MSRA: variants seen among roughly 807,000 people sequenced by gnomAD.
The protein encoded by MSRA is mitochondrial peptide methionine sulfoxide reductase.
A neutral mutation model predicts 31.3 loss-of-function variants in MSRA; 54 were observed. The ratio of observed to expected loss-of-function variants is 1.73; its 90% CI spans 1.39 to 2.17. MSRA has a LOEUF of 2.17. Ranked by LOEUF, MSRA falls within the 30% of genes most tolerant of loss-of-function variation. The pLI is 0.00. For synonymous variants in MSRA, 169 were observed against 116.5 expected (o/e 1.45, Z -2.90); for missense variants, 507 against 300.9 (o/e 1.69, Z -5.07).
intron 5 of MSRA, among the ~76,000 whole-genome samples, chr8:10,341,656 G>C (rs1803433725): frequency 1.3e-5 from 2 of 152,208 alleles, no homozygotes; most frequent in African/African-American, 4.8e-5. Flanking sequence ...GTACCTGTTT[G>C]AGCCTGGATA....
intron 5 of MSRA, among the ~76,000 whole-genome samples, chr8:10,396,375 C>G (rs566958468): frequency 6.6e-6 from 1 of 152,248 alleles, no homozygotes; most frequent in Non-Finnish European, 1.5e-5. Context: ...TCATTTTCCT[C>G]CATTTGGGGG....
intron 5 of MSRA, among the ~76,000 whole-genome samples, chr8:10,324,074 T>C (rs532891115): frequency 3.3e-5 from 5 of 152,314 alleles, no homozygotes; most frequent in African/African-American, 1.2e-4. Flanking sequence ...ACTAGACCAG[T>C]GCTTCCTTTC....
At chr8:10,313,367 G>A (rs917714393) in intron 4 of MSRA, among the ~76,000 whole-genome samples, 1 of 151,912 alleles carries the variant, frequency 6.6e-6, no homozygotes, top group Non-Finnish European at 1.5e-5. Flanking sequence ...TGCTTTGCAT[G>A]ATTATGAAAG....
At chr8:10,184,410 C>T (rs1164626178) in intron 1 of MSRA, among the ~76,000 whole-genome samples, 2 of 151,740 alleles carry the variant, frequency 1.3e-5, no homozygotes, top group African/African-American at 4.8e-5. Flanking sequence ...AACAGTAAAC[C>T]TTGATAACTA....
chr8:10,302,174 G>T (rs911083419), intron 4 of MSRA, among the ~76,000 whole-genome samples: 5 of 152,210 alleles, frequency 3.3e-5, no homozygotes, highest in Admixed American at 2.0e-4. Flanking sequence ...TTTGGAATTT[G>T]TTATGTGGAG....
chr8:10,155,107 C>G (rs149290831), intron 1 of MSRA, among the ~76,000 whole-genome samples: 3,829 of 151,242 alleles, frequency 0.025, 56 homozygotes, highest in African/African-American at 0.035. Context: ...TGCCAGAGTC[C>G]TAGATTTAAA....
chr8:10,339,260 A>G (rs940639444), intron 5 of MSRA, among the ~76,000 whole-genome samples: 3 of 152,190 alleles, frequency 2.0e-5, no homozygotes, highest in African/African-American at 7.2e-5. Context: ...CCATCTCTTT[A>G]TCTGAGCATG....
chr8:10,116,001 C>T (rs187930996), intron 1 of MSRA, among the ~76,000 whole-genome samples: 41 of 152,244 alleles, frequency 2.7e-4, no homozygotes, highest in Admixed American at 3.9e-4. Context: ...CATGGTGGCT[C>T]GAGGGGACAG....
At chr8:10,180,213 C>G (rs1357999084) in intron 1 of MSRA, among the ~76,000 whole-genome samples, 2 of 152,170 alleles carry the variant, frequency 1.3e-5, no homozygotes, top group Non-Finnish European at 2.9e-5. Context: ...GCTGGAATGG[C>G]TCACAGATCT....
intron 3 of MSRA, among the ~76,000 whole-genome samples, chr8:10,280,975 A>G (rs1799593062): frequency 6.6e-6 from 1 of 152,184 alleles, no homozygotes; most frequent in African/African-American, 2.4e-5. Flanking sequence ...CAGAAATAAG[A>G]CACATTAGTC....
intron 4 of MSRA, among the ~76,000 whole-genome samples, chr8:10,313,332 C>G (rs1371339642): frequency 3.3e-5 from 5 of 152,182 alleles, no homozygotes; most frequent in Non-Finnish European, 7.3e-5. Context: ...TGAAGTAGAA[C>G]TGTTACCATC....
intron 2 of MSRA, among the ~76,000 whole-genome samples, chr8:10,225,172 C>T (rs1270323830): frequency 1.3e-5 from 2 of 152,164 alleles, no homozygotes; most frequent in Non-Finnish European, 2.9e-5. Context: ...TACAACTTCT[C>T]ACCCAACCTG....
At position 10,207,855 on chromosome 8, in the gene MSRA, C is replaced by T; in HGVS notation, c.165C>T (p.Asn55=). 2 of 1,608,816 alleles carry T rather than the reference C, an allele frequency of 1.2e-6. No homozygotes were observed. The highest frequency in any genetic ancestry group is 1.7e-6 in the Non-Finnish European group (2 of 1,177,814). The change falls in exon 2 of 6, where the codon AAC becomes AAT. Residue 55 remains asparagine, a synonymous_variant. Transcript: ENST00000317173. ...PVAAKHHVNG[N]RTVEPFPEGT... The stretch of plus-strand genomic sequence containing the variant: ...TAGCCAAACATCATGTCAATGGCAA[C>T]AGAACAGTCGAACCTTTCCCAGAGG...
intron 1 of MSRA, among the ~76,000 whole-genome samples, chr8:10,148,426 C>T (rs185977304): frequency 1.1e-4 from 16 of 151,490 alleles, no homozygotes; most frequent in Non-Finnish European, 1.6e-4. Flanking sequence ...GCAGGCAGAT[C>T]ACTTGAGGTC....
chr8:10,197,742 C>T (rs948871153), intron 1 of MSRA, among the ~76,000 whole-genome samples: 10 of 152,178 alleles, frequency 6.6e-5, no homozygotes, highest in African/African-American at 1.7e-4. Flanking sequence ...GAAGCCCTCT[C>T]CAAGACAGGG....
chr8:10,211,108 G>C (rs1585178498), intron 2 of MSRA, among the ~76,000 whole-genome samples: 1 of 152,086 alleles, frequency 6.6e-6, no homozygotes, highest in Non-Finnish European at 1.5e-5. Flanking sequence ...TAAGAACTTT[G>C]AAATGTAATC....
chr8:10,112,920 G>T (rs552763862), intron 1 of MSRA, among the ~76,000 whole-genome samples: 1 of 152,108 alleles, frequency 6.6e-6, no homozygotes, highest in African/African-American at 2.4e-5. Context: ...GGGCTCAGTT[G>T]TCTCCTTTTC....
intron 1 of MSRA, among the ~76,000 whole-genome samples, chr8:10,131,854 A>T (rs1428394873): frequency 6.6e-6 from 1 of 152,202 alleles, no homozygotes; most frequent in South Asian, 2.1e-4. Flanking sequence ...ATAATCCCCA[A>T]ATCTCCTCTT....
intron 3 of MSRA, among the ~76,000 whole-genome samples, chr8:10,248,756 G>A (rs1019889567): frequency 6.6e-5 from 10 of 152,198 alleles, no homozygotes; most frequent in African/African-American, 9.6e-5. Context: ...TGTGCCCATC[G>A]TGGGCTCACT....
Sources: gnomAD v4.1 joint callset for allele counts (sites outside exome capture counted in the v4.1 genomes callset) on GRCh38, gnomAD v4.1.1 for gene constraint, MANE v1.5 for transcripts, NCBI Gene and HGNC (gene_info 2026-07-23, HGNC 2026-07-21) for gene names.